The following ARMC3 variants were observed in gnomAD, a reference collection of about 807,000 sequenced individuals.
ARMC3 encodes the protein armadillo repeat containing 3.
In ARMC3, 74 loss-of-function variants were observed where a neutral mutation model predicts 90.3. That is an observed-to-expected ratio of 0.82 (90% CI 0.68 to 0.99). The LOEUF is 0.99. Ranked by LOEUF, ARMC3 falls within the 50% of genes least tolerant of loss-of-function variation. ARMC3 has a pLI of 0.00. For missense variants in ARMC3, 958 were observed against 1,042.8 expected, an observed-to-expected ratio of 0.92 and a Z score of 1.12; for synonymous variants, 334 against 361.8, an observed-to-expected ratio of 0.92 and a Z score of 0.87.
intron 3 of ARMC3, among the ~76,000 whole-genome samples, chr10:22,951,630 T>TTAAG (rs1834743387): frequency 6.6e-6 from 1 of 152,138 alleles, no homozygotes; most frequent in Non-Finnish European, 1.5e-5. Flanking sequence ...TGGGTAATTG[T>TTAAG]TAAGTAGTTA....
chr10:22,961,867 T>A lies in ARMC3; in HGVS notation c.538-17T>A, dbSNP rs1467735772. On this transcript the variant is annotated splice_polypyrimidine_tract_variant and intron_variant, in intron 6 of 18. Coordinates refer to ENST00000298032, the MANE Select transcript of ARMC3 (RefSeq NM_173081.5). ...TTTTGCTTAAAAAAATTATTGATCATCTGTATTTTGTGGCAGGATTTTCAG... is the reference window on the plus strand; with the variant it reads ...TTTTGCTTAAAAAAATTATTGATCAACTGTATTTTGTGGCAGGATTTTCAG... 2 of 1,571,604 alleles carry A rather than the reference T, an allele frequency of 1.3e-6. No homozygotes were observed. The highest frequency in any genetic ancestry group is 1.7e-6 in the Non-Finnish European group (2 of 1,162,920).
intron 17 of ARMC3, chr10:23,031,240 T>C (rs1239457091): frequency 5.9e-6 from 1 of 168,746 alleles, no homozygotes; most frequent in Non-Finnish European, 1.3e-5. Context: ...ATTTCGTGTT[T>C]CATGTTACTC....
chr10:22,987,614 A>G (rs1836507889), intron 10 of ARMC3, among the ~76,000 whole-genome samples: 1 of 152,232 alleles, frequency 6.6e-6, no homozygotes, highest in Admixed American at 6.5e-5. Flanking sequence ...ATAACTATAG[A>G]GAAGTGAGAA....
At chr10:23,000,869 T>C (rs1207439155) in intron 11 of ARMC3, among the ~76,000 whole-genome samples, 2 of 152,174 alleles carry the variant, frequency 1.3e-5, no homozygotes, top group African/African-American at 2.4e-5. Context: ...TCCAGTTGCA[T>C]AGATAATGCA....
intron 10 of ARMC3, among the ~76,000 whole-genome samples, chr10:22,997,899 A>G (rs1251804472): frequency 6.6e-6 from 1 of 152,158 alleles, no homozygotes. Context: ...AAAAGTAGTA[A>G]TGATATATTT....
chr10:22,943,432 C>T (rs920099033), intron 2 of ARMC3, among the ~76,000 whole-genome samples: 7 of 151,924 alleles, frequency 4.6e-5, no homozygotes, highest in Non-Finnish European at 5.9e-5. Flanking sequence ...GGTAGCGTAT[C>T]TATTAAATAC....
intron 16 of ARMC3, among the ~76,000 whole-genome samples, chr10:23,011,599 G>A (rs1180087357): frequency 6.6e-6 from 1 of 152,078 alleles, no homozygotes; most frequent in African/African-American, 2.4e-5. Context: ...ACAACTGCAG[G>A]GCCTGCCCAT....
At chr10:22,974,872 C>G (rs1343122745) in intron 8 of ARMC3, among the ~76,000 whole-genome samples, 1 of 152,088 alleles carries the variant, frequency 6.6e-6, no homozygotes, top group African/African-American at 2.4e-5. Context: ...GAATCCCTGA[C>G]CTCAAGTGAT....
At chr10:23,020,611 T>C (rs1269235976) in intron 16 of ARMC3, among the ~76,000 whole-genome samples, 1 of 152,178 alleles carries the variant, frequency 6.6e-6, no homozygotes, top group Non-Finnish European at 1.5e-5. Context: ...GCACTTGGGA[T>C]TGTTAGTATT....
intron 11 of ARMC3, among the ~76,000 whole-genome samples, chr10:23,000,987 T>C (rs1309604069): frequency 6.6e-6 from 1 of 152,238 alleles, no homozygotes; most frequent in Non-Finnish European, 1.5e-5. Context: ...TTAATGAAGT[T>C]CTATCCAATT....
At chr10:23,014,072 C>G in intron 16 of ARMC3, 1 of 1,549,032 alleles carries the variant, frequency 6.5e-7, no homozygotes, top group Non-Finnish European at 8.7e-7. Flanking sequence ...TGTCTTCACT[C>G]TCCCTCTTCC....
At chr10:23,024,945 G>A (rs1296248294) in intron 16 of ARMC3, among the ~76,000 whole-genome samples, 3 of 152,090 alleles carry the variant, frequency 2.0e-5, no homozygotes, top group African/African-American at 7.2e-5. Context: ...GCAGGAGTGG[G>A]TTTTAAAATA....
chr10:23,029,438 G>T (rs759554967), intron 16 of ARMC3, among the ~76,000 whole-genome samples: 1 of 152,130 alleles, frequency 6.6e-6, no homozygotes, highest in Non-Finnish European at 1.5e-5. Flanking sequence ...ACAGGGTGAA[G>T]TATGCTTACT....
chr10:22,959,286 T>C (rs1835091740), intron 5 of ARMC3, 113 bp from the exon 6 acceptor site: 2 of 1,336,806 alleles, frequency 1.5e-6, no homozygotes, highest in Non-Finnish European at 2.1e-6. Flanking sequence ...ATAAAAGAGG[T>C]GAGCTTTAAG....
intron 3 of ARMC3, 104 bp downstream of exon 3, chr10:22,946,365 A>G: frequency 2.8e-6 from 2 of 712,760 alleles, no homozygotes; most frequent in Non-Finnish European, 4.6e-6. Context: ...TTGCTGTCGG[A>G]TGAATTATTT....
At chr10:22,961,648 A>C (rs1835197186) in intron 6 of ARMC3, 1 of 408,360 alleles carries the variant, frequency 2.4e-6, no homozygotes, top group Non-Finnish European at 4.3e-6. Context: ...CAATAGATAA[A>C]AGTCATAGAT....
At chr10:22,948,990 A>T (rs115876346) in intron 3 of ARMC3, among the ~76,000 whole-genome samples, 49 of 152,354 alleles carry the variant, frequency 3.2e-4, no homozygotes, top group African/African-American at 1.2e-3. Context: ...TACGGCTAGG[A>T]GTAATGCCTG....
intron 16 of ARMC3, among the ~76,000 whole-genome samples, chr10:23,025,487 C>G (rs1343833188): frequency 6.6e-6 from 1 of 151,940 alleles, no homozygotes; most frequent in Non-Finnish European, 1.5e-5. Flanking sequence ...TGATGCACTT[C>G]TCAATAATCC....
chr10:22,934,029 C>T (rs1834029002), intron 2 of ARMC3, among the ~76,000 whole-genome samples: 1 of 152,160 alleles, frequency 6.6e-6, no homozygotes, highest in Non-Finnish European at 1.5e-5. Context: ...GAACTTGTTC[C>T]AGAATATACC....
Sources: gnomAD v4.1 joint callset for allele counts (sites outside exome capture counted in the v4.1 genomes callset) on GRCh38, gnomAD v4.1.1 for gene constraint, MANE v1.5 for transcripts, NCBI Gene and HGNC (gene_info 2026-07-23, HGNC 2026-07-21) for gene names.